Variants in EPHA7 observed in about 807,000 individuals in gnomAD.
The protein encoded by EPHA7 is EPH receptor A7.
Under a neutral mutation model 112.6 loss-of-function variants are expected in EPHA7, and 25 were observed. The ratio of observed to expected loss-of-function variants is 0.22; its 90% CI spans 0.16 to 0.31. The LOEUF (loss-of-function observed/expected upper bound fraction) is 0.31. EPHA7 is among the 10% of genes least tolerant of loss of function. The probability of loss-of-function intolerance (pLI) is 1.00; values close to 1 mark genes in which losing one functional copy is unlikely to be tolerated. For missense variants in EPHA7, 962 were observed against 1,212.6 expected (o/e 0.79, Z 3.07); for synonymous variants, 437 against 406.5 (o/e 1.07, Z -0.90).
chr6:93,297,296 G>A (rs1286594977), intron 5 of EPHA7, among the ~76,000 whole-genome samples: 1 of 152,030 alleles, frequency 6.6e-6, no homozygotes, highest in African/African-American at 2.4e-5. Context: ...TAACATTAAA[G>A]CTGACAACTA....
At chr6:93,358,513 A>C in intron 3 of EPHA7, 102 bp from the exon 4 acceptor site, 1 of 937,034 alleles carries the variant, frequency 1.1e-6, no homozygotes, top group South Asian at 2.2e-5. Context: ...AATGTGATGT[A>C]TGTAAAACAA....
intron 5 of EPHA7, among the ~76,000 whole-genome samples, chr6:93,315,806 T>C (rs1773779861): frequency 6.6e-6 from 1 of 152,180 alleles, no homozygotes; most frequent in Admixed American, 6.5e-5. Flanking sequence ...CACAGTGTGT[T>C]ATTTTACTTA....
intron 14 of EPHA7, among the ~76,000 whole-genome samples, chr6:93,252,759 A>G (rs1770270882): frequency 6.6e-6 from 1 of 151,962 alleles, no homozygotes; most frequent in South Asian, 2.1e-4. Flanking sequence ...TCTCACTGCT[A>G]AACAAACCTG....
intron 3 of EPHA7, among the ~76,000 whole-genome samples, chr6:93,404,867 T>G (rs1036318887): frequency 4.6e-5 from 7 of 151,800 alleles, no homozygotes; most frequent in Admixed American, 1.3e-4. Flanking sequence ...ATTGAATGCC[T>G]TCTATTAATA....
At chr6:93,381,543 CATGT>C (rs1777334845) in intron 3 of EPHA7, among the ~76,000 whole-genome samples, 1 of 152,056 alleles carries the variant, frequency 6.6e-6, no homozygotes, top group African/African-American at 2.4e-5. Flanking sequence ...ATAATTAACA[CATGT>C]ATCTATTAAT....
chr6:93,363,538 A>C (rs1481222267), intron 3 of EPHA7, among the ~76,000 whole-genome samples: 5 of 152,162 alleles, frequency 3.3e-5, no homozygotes, highest in Non-Finnish European at 5.9e-5. Context: ...CACATCTACT[A>C]GGATGGCTAT....
intron 3 of EPHA7, among the ~76,000 whole-genome samples, chr6:93,403,661 TAA>T (rs59162017): frequency 3.5e-4 from 45 of 128,616 alleles, no homozygotes; most frequent in Non-Finnish European, 5.0e-4. Flanking sequence ...ACTCATCTCT[TAA>T]AAAAAAAAAA....
Position 93,243,318 on chromosome 6 carries a change from G to A in EPHA7, c.*108C>T. 1.4e-6 allele frequency: 1 copy of A among 733,114 alleles called. No individual in the cohort carries two copies. Among genetic ancestry groups the A allele is most frequent in the South Asian group, 2.1e-5 (1 of 48,550 alleles). The allele number at this position is 733,114 out of a possible 1,614,324, so 45.4% of individuals were successfully genotyped here. ...TTCTTAAATCTTCTCTTCACTGTTGGAAGGACCCAGGACATCACTTGTCTT... is the reference window on the plus strand; with the variant it reads ...TTCTTAAATCTTCTCTTCACTGTTGAAAGGACCCAGGACATCACTTGTCTT... On this transcript the variant is annotated 3_prime_UTR_variant, in exon 17 of 17. Transcript: ENST00000369303.
intron 5 of EPHA7, among the ~76,000 whole-genome samples, chr6:93,309,117 TG>T (rs1773404733): frequency 6.6e-6 from 1 of 152,124 alleles, no homozygotes; most frequent in African/African-American, 2.4e-5. Context: ...CCCAGCTATT[TG>T]TTTTGTATTT....
intron 1 of EPHA7, among the ~76,000 whole-genome samples, chr6:93,418,677 C>G (rs1779369756): frequency 6.6e-6 from 1 of 152,206 alleles, no homozygotes; most frequent in South Asian, 2.1e-4. Context: ...CGAGCGCCAA[C>G]CGCAGGACCG....
rs1316283624 is a variant in EPHA7, at chr6:93,241,788, T to C, written c.*1638A>G. On this transcript the variant is annotated 3_prime_UTR_variant, in exon 17 of 17. Coordinates refer to ENST00000369303, the MANE Select transcript of EPHA7 (RefSeq NM_004440.4). Reference sequence around the variant, plus strand: ...AGAAAAATATAGTGCATTTTCAATGTATTCAGAGCCCACTACAGAGAAATG... The same window carrying C: ...AGAAAAATATAGTGCATTTTCAATGCATTCAGAGCCCACTACAGAGAAATG... 5.5e-5 allele frequency: 12 copies of C among 219,548 alleles called. No homozygotes were observed. Among genetic ancestry groups the C allele is most frequent in the Non-Finnish European group, 7.3e-5 (8 of 109,158 alleles). The allele number at this position is 219,548 out of a possible 1,614,324, so 13.6% of individuals were successfully genotyped here.
chr6:93,290,134 A>G (rs888191302), intron 5 of EPHA7, among the ~76,000 whole-genome samples: 1 of 152,052 alleles, frequency 6.6e-6, no homozygotes, highest in Non-Finnish European at 1.5e-5. Context: ...ATAAATATAC[A>G]CATATGTAAT....
chr6:93,367,875 A>C (rs1333649847), intron 3 of EPHA7, among the ~76,000 whole-genome samples: 1 of 152,150 alleles, frequency 6.6e-6, no homozygotes, highest in Non-Finnish European at 1.5e-5. Flanking sequence ...ATTTCCAAGC[A>C]AAGTTTTGAT....
At chr6:93,393,134 C>T (rs1183772468) in intron 3 of EPHA7, among the ~76,000 whole-genome samples, 2 of 151,794 alleles carry the variant, frequency 1.3e-5, no homozygotes, top group African/African-American at 4.8e-5. Context: ...ATTTCTGAAA[C>T]TCTTTTTAAG....
intron 3 of EPHA7, among the ~76,000 whole-genome samples, chr6:93,360,505 G>A (rs1022218939): frequency 1.3e-5 from 2 of 152,198 alleles, no homozygotes; most frequent in East Asian, 1.9e-4. Flanking sequence ...ACAGGGCAAG[G>A]AGGTTATGGG....
intron 14 of EPHA7, among the ~76,000 whole-genome samples, chr6:93,252,659 T>A (rs141769780): frequency 1.3e-5 from 2 of 152,100 alleles, no homozygotes; most frequent in Non-Finnish European, 2.9e-5. Context: ...AATAGCACTC[T>A]ACTGACATAA....
intron 5 of EPHA7, among the ~76,000 whole-genome samples, chr6:93,308,738 T>G (rs1320525487): frequency 1.3e-5 from 2 of 152,006 alleles, no homozygotes. Flanking sequence ...ACATACTAAG[T>G]GAATCCACAG....
intron 5 of EPHA7, among the ~76,000 whole-genome samples, chr6:93,295,916 T>C (rs1772638246): frequency 6.6e-6 from 1 of 151,906 alleles, no homozygotes; most frequent in South Asian, 2.1e-4. Flanking sequence ...CCATTTTTGA[T>C]CTTCCATTTA....
chr6:93,276,366 A>T (rs1771470093), intron 5 of EPHA7, among the ~76,000 whole-genome samples: 1 of 152,064 alleles, frequency 6.6e-6, no homozygotes, highest in Non-Finnish European at 1.5e-5. Flanking sequence ...CTGATTGACC[A>T]GTACAGAAAT....
Sources: gnomAD v4.1 joint callset for allele counts (sites outside exome capture counted in the v4.1 genomes callset) on GRCh38, gnomAD v4.1.1 for gene constraint, MANE v1.5 for transcripts, NCBI Gene and HGNC (gene_info 2026-07-23, HGNC 2026-07-21) for gene names.